The following SLC9A3 variants were observed in gnomAD, a reference collection of about 807,000 sequenced individuals.
SLC9A3 encodes solute carrier family 9 member A3, also known as sodium/hydrogen exchanger 3.
In SLC9A3, 37 loss-of-function variants were observed where a neutral mutation model predicts 86.8. That is an observed-to-expected ratio of 0.43 (90% CI 0.33 to 0.56). SLC9A3 has a LOEUF of 0.56. Among genes scored for constraint, SLC9A3 ranks in the 20% least tolerant of loss-of-function variants. The pLI is 0.06. For missense variants in SLC9A3, 1,011 were observed against 1,171.9 expected (o/e 0.86, Z 2.00); for synonymous variants, 581 against 528.3 (o/e 1.10, Z -1.37).
chr5:473,781 G>T (rs927267496), intron 16 of SLC9A3, among the ~76,000 whole-genome samples: 37 of 152,300 alleles, frequency 2.4e-4, no homozygotes, highest in African/African-American at 8.7e-4. Flanking sequence ...CAGACCCCAC[G>T]GCCCGCCCCT....
At chr5:521,011 G>A (rs1280310587) in intron 1 of SLC9A3, among the ~76,000 whole-genome samples, 1 of 152,240 alleles carries the variant, frequency 6.6e-6, no homozygotes, top group Non-Finnish European at 1.5e-5. Context: ...GCCCCCAAGG[G>A]GCACAGGAGG....
At chr5:498,348 G>A (rs1246267251) in intron 1 of SLC9A3, among the ~76,000 whole-genome samples, 2 of 152,256 alleles carry the variant, frequency 1.3e-5, no homozygotes, top group Non-Finnish European at 2.9e-5. Context: ...CACTTGTCCC[G>A]GGCTGGGCTC....
In SLC9A3 at chr5:477,810, C is replaced by T. The variant is rs114584349; in HGVS notation, c.1648-366G>A. ...AAGTGGTCTCTGTCCCTGCAGGAGA[C>T]CCTAAAACTCCATTGGCCTCATGTC... On this transcript the variant is annotated intron_variant, in intron 10 of 16. Coordinates refer to ENST00000264938, the MANE Select transcript of SLC9A3 (RefSeq NM_004174.4). The T allele has an allele frequency of 2.0e-3, 380 of 194,384 alleles. 4 individuals are homozygous for T. The highest frequency in any genetic ancestry group is 8.3e-3 in the African/African-American group (353 of 42,464). The allele number at this position is 194,384 out of a possible 1,614,324, so 12.0% of individuals were successfully genotyped here. A position where few individuals can be genotyped will look rare whatever the true frequency, so the allele number is the denominator to read the frequency against.
intron 1 of SLC9A3, among the ~76,000 whole-genome samples, chr5:504,622 G>A (rs1447448117): frequency 6.6e-6 from 1 of 152,232 alleles, no homozygotes; most frequent in Non-Finnish European, 1.5e-5. Context: ...CAGAGGGCTC[G>A]GGGTGGGGAC....
In SLC9A3 at chr5:488,495, C is replaced by G; in HGVS notation, c.515-19G>C. On this transcript the variant is annotated intron_variant, in intron 2 of 16. Transcript: ENST00000264938. Reference sequence around the variant, plus strand: ...AGGTCGCCTGGAAGACAAGCCGGGCCGCGGGGCAGCTGCAGGGCCTGCCAC... The same window carrying G: ...AGGTCGCCTGGAAGACAAGCCGGGCGGCGGGGCAGCTGCAGGGCCTGCCAC... 6.5e-7 allele frequency: 1 copy of G among 1,527,352 alleles called. No individual in the cohort carries two copies. The highest frequency in any genetic ancestry group is 1.4e-5 in the African/African-American group (1 of 72,390). The allele number at this position is 1,527,352 out of a possible 1,614,324, so 94.6% of individuals were successfully genotyped here. A position where few individuals can be genotyped will look rare whatever the true frequency, so the allele number is the denominator to read the frequency against.
Position 496,247 on chromosome 5 carries a change from G to A in SLC9A3, c.212-4176C>T, listed in dbSNP as rs1345351864. Among the ~76,000 whole-genome samples the A allele has an allele frequency of 6.6e-6, 1 of 152,216 alleles. No individual in the cohort carries two copies. Among genetic ancestry groups the A allele is most frequent in the African/African-American group, 2.4e-5 (1 of 41,460 alleles). On this transcript the variant is annotated intron_variant, in intron 1 of 16. Transcript: ENST00000264938. The surrounding 1 kb of genome is among the most constrained non-coding windows in gnomAD (Gnocchi z 4.7). ...GCGGTGGCGTCCGAGGGCAGCTCCT[G>A]CAGTCTTCAGGGTGTGTGTGTGTTG...
At chr5:494,277 A>G (rs1357122707) in intron 1 of SLC9A3, among the ~76,000 whole-genome samples, 2 of 152,170 alleles carry the variant, frequency 1.3e-5, no homozygotes, top group African/African-American at 2.4e-5. Context: ...GCAGGAAAAC[A>G]GGGGCCCCTC....
At position 476,601 on chromosome 5, in the gene SLC9A3, G is replaced by A. The variant is rs145635595; in HGVS notation, c.1832C>T (p.Ala611Val). Residue 611 changes from alanine (A) to valine (V), a missense_variant, in exon 12 of 17, where the codon GCG becomes GTG. Physicochemically the swap from Ala to Val is moderately conservative, Grantham distance 64. Coordinates refer to ENST00000264938, the MANE Select transcript of SLC9A3 (RefSeq NM_004174.4). ...CGTGTGGTGCGTGACCATGTCCTCC[G>A]CGTCCCGGATGCTCCGCCGTCGCTG... ...LEQRRRSIRD[A>V]EDMVTHHTLQ... 7.7e-4 allele frequency: 1,240 copies of A among 1,610,658 alleles called. 14 individuals carry two copies. Among genetic ancestry groups the A allele is most frequent in the Non-Finnish European group, 1.6e-4 (186 of 1,179,886 alleles).
chr5:513,817 C>T (rs1007637099), intron 1 of SLC9A3, among the ~76,000 whole-genome samples: 11 of 152,240 alleles, frequency 7.2e-5, no homozygotes, highest in East Asian at 5.8e-4. Context: ...TAACTTCCCA[C>T]GGCCAGCCCT....
intron 1 of SLC9A3, among the ~76,000 whole-genome samples, chr5:512,864 G>T (rs888605190): frequency 1.1e-4 from 16 of 152,110 alleles, no homozygotes; most frequent in Non-Finnish European, 2.1e-4. Context: ...GCGTGCAGAG[G>T]CCCAGCAGCC....
At chr5:476,408 G>A (rs769310947) in intron 12 of SLC9A3, 30 bp from the exon 13 acceptor site, 1 of 1,612,290 alleles carries the variant, frequency 6.2e-7, no homozygotes, top group Non-Finnish European at 8.5e-7. Flanking sequence ...GGTCACAGCT[G>A]TGCCCACCGC....
rs1265348900 is a variant in SLC9A3, at chr5:470,600, C to G, written c.*2779G>C. 1 of 152,346 alleles carries G rather than the reference C, an allele frequency of 6.6e-6. No individual in the cohort carries two copies. Among genetic ancestry groups the G allele is most frequent in the African/African-American group, 2.4e-5 (1 of 41,442 alleles). 9.4% of individuals were successfully genotyped at this position (152,346 alleles called of 1,614,324 possible). ...CTGTCTGGACACTGCCAACCCACAGCTGGAGGGGCACTTAAGGCACGTCAT... is the reference window on the plus strand; with the variant it reads ...CTGTCTGGACACTGCCAACCCACAGGTGGAGGGGCACTTAAGGCACGTCAT... On this transcript the variant is annotated 3_prime_UTR_variant, in exon 17 of 17. Coordinates refer to ENST00000264938, the MANE Select transcript of SLC9A3 (RefSeq NM_004174.4).
chr5:484,847 G>A, intron 4 of SLC9A3, 150 bp from the exon 5 acceptor site: 1 of 775,270 alleles, frequency 1.3e-6, no homozygotes, highest in Non-Finnish European at 2.0e-6. Flanking sequence ...CTCAGCACCA[G>A]CCTTGGTTCA....
In SLC9A3 at chr5:478,578, C is replaced by CT. The variant is rs1200192870; in HGVS notation, c.1648-1135dup. Reference sequence around the variant, plus strand: ...TGAGTGGCCGGGAGGAGCCCACAGGCTCCCCACATGCAGCTGAGCCCAGGG... The same window carrying CT: ...TGAGTGGCCGGGAGGAGCCCACAGGCTTCCCCACATGCAGCTGAGCCCAGGG... On this transcript the variant is annotated intron_variant, in intron 10 of 16. Transcript: ENST00000264938. 1.9e-5 allele frequency: 3 copies of CT among 154,418 alleles called. No individual in the cohort carries two copies. The Admixed American group carries it at 2.0e-4, about 10-fold the overall frequency. 9.6% of individuals were successfully genotyped at this position (154,418 alleles called of 1,614,324 possible). A position where few individuals can be genotyped will look rare whatever the true frequency, so the allele number is the denominator to read the frequency against.
intron 1 of SLC9A3, among the ~76,000 whole-genome samples, chr5:504,522 G>A (rs1278248609): frequency 2.0e-5 from 3 of 152,196 alleles, no homozygotes; most frequent in East Asian, 1.9e-4. Context: ...GGAGGGTGCC[G>A]GGACCTTCAG....
chr5:471,932 A>C lies in SLC9A3; in HGVS notation c.*1447T>G. On this transcript the variant is annotated 3_prime_UTR_variant, in exon 17 of 17. Coordinates refer to ENST00000264938, the MANE Select transcript of SLC9A3 (RefSeq NM_004174.4). ...TTCAGTCAACATAAAACTCTTTAAG[A>C]ACTCCTCCTGACTGGTGACTGTCAA... is the stretch of plus-strand genomic sequence containing the variant. 2.2e-6 allele frequency: 1 copy of C among 456,662 alleles called. No individual in the cohort carries two copies. Among genetic ancestry groups the C allele is most frequent in the South Asian group, 1.5e-5 (1 of 64,574 alleles). 28.3% of individuals were successfully genotyped at this position (456,662 alleles called of 1,614,324 possible).
intron 1 of SLC9A3, among the ~76,000 whole-genome samples, chr5:523,261 CTCCCCTGTCCT>C (rs1357988609): frequency 6.6e-6 from 1 of 152,184 alleles, no homozygotes; most frequent in Non-Finnish European, 1.5e-5. Context: ...GAGCCTGTCC[CTCCCCTGTCCT>C]GCGTGGGCGC....
At chr5:485,067 T>C (rs1277198624) in intron 4 of SLC9A3, 86 bp downstream of exon 4, 1 of 1,054,092 alleles carries the variant, frequency 9.5e-7, no homozygotes, top group African/African-American at 1.5e-5. Flanking sequence ...TGCAAAGCTT[T>C]TTCCTGCATG....
intron 1 of SLC9A3, among the ~76,000 whole-genome samples, chr5:515,769 A>T (rs1289524047): frequency 5.7e-5 from 3 of 52,730 alleles, no homozygotes; most frequent in African/African-American, 8.0e-5. Flanking sequence ...ACACACACAC[A>T]CTCCCCCTGC....
Sources: allele counts gnomAD v4.1 joint callset (sites outside exome capture counted in the v4.1 genomes callset), GRCh38; gene constraint gnomAD v4.1.1; non-coding constraint Gnocchi (gnomAD v3.1); transcripts MANE v1.5; gene names NCBI Gene and HGNC (gene_info 2026-07-23, HGNC 2026-07-21).